The following RNF212 variants were observed in gnomAD, a reference collection of about 807,000 sequenced individuals.
The protein encoded by RNF212 is ring finger protein 212.
In RNF212, 33 loss-of-function variants were observed where a neutral mutation model predicts 34.7. The observed-to-expected ratio is 0.95, with a 90% CI of 0.72 to 1.27. The LOEUF (loss-of-function observed/expected upper bound fraction) is 1.27, where lower values mean the gene tolerates loss of function less well. Ranked by LOEUF, RNF212 falls within the 50% of genes most tolerant of loss-of-function variation. The pLI is 0.00. For synonymous variants in RNF212, 140 were observed against 136.1 expected (o/e 1.03, Z -0.20); for missense variants, 377 against 362.2 (o/e 1.04, Z -0.33).
downstream of RNF212, among the ~76,000 whole-genome samples, chr4:1,071,027 T>A (rs1008070770): frequency 6.6e-5 from 10 of 151,930 alleles, no homozygotes; most frequent in African/African-American, 9.7e-5. Context: ...TAAATTATTT[T>A]AAAAAACTAA....
At chr4:1,058,312 G>GTTAGAACGCTGTGAAGCAGGTGCTT (rs1296586766) in intron 4 of RNF212, 1 of 718,152 alleles carries the variant, frequency 1.4e-6, no homozygotes, top group African/African-American at 2.2e-5. Context: ...GCTTGCGGGG[G>GTTAGAACGCTGTGAAGCAGGTGCTT]GGCACTACCT....
intron 4 of RNF212, among the ~76,000 whole-genome samples, chr4:1,057,859 G>A (rs182064796): frequency 7.2e-5 from 11 of 152,356 alleles, no homozygotes; most frequent in African/African-American, 2.6e-4. Flanking sequence ...GAGGTCGGGA[G>A]TTCGAGACCA....
At chr4:1,104,788 C>G (rs1279962490) in intron 2 of RNF212, among the ~76,000 whole-genome samples, 1 of 152,158 alleles carries the variant, frequency 6.6e-6, no homozygotes, top group South Asian at 2.1e-4. Context: ...AATCTATGAG[C>G]TAGAAAGACA....
chr4:1,092,756 C>T (rs142214972), intron 3 of RNF212, among the ~76,000 whole-genome samples: 73 of 152,358 alleles, frequency 4.8e-4, no homozygotes, highest in African/African-American at 1.6e-3. Flanking sequence ...AAGAGCTGCC[C>T]GGTGCTCACG....
intron 8 of RNF212, among the ~76,000 whole-genome samples, chr4:1,076,841 A>G (rs75320593): frequency 0.016 from 2,496 of 152,346 alleles, 63 homozygotes; most frequent in African/African-American, 0.056. Flanking sequence ...GGTCATGCCT[A>G]TTAGCTTCCA....
chr4:1,070,436 G>A (rs1478197688), downstream of RNF212, among the ~76,000 whole-genome samples: 4 of 142,694 alleles, frequency 2.8e-5, no homozygotes, highest in African/African-American at 5.1e-5. Context: ...CAGCGTGGAC[G>A]CCTGGCCTGA....
chr4:1,062,922 T>A (rs1717843637), intron 3 of RNF212, among the ~76,000 whole-genome samples: 1 of 152,144 alleles, frequency 6.6e-6, no homozygotes, highest in South Asian at 2.1e-4. Context: ...AATGAAAACC[T>A]GAAAATAAAA....
At chr4:1,085,675 G>A (rs2153046215) in intron 5 of RNF212, 1 of 582,210 alleles carries the variant, frequency 1.7e-6, no homozygotes, top group East Asian at 2.9e-5. Flanking sequence ...TGCCCCAAGG[G>A]GAAACCATTC....
intron 4 of RNF212, among the ~76,000 whole-genome samples, chr4:1,089,821 C>T (rs971424255): frequency 7.2e-5 from 11 of 152,190 alleles, no homozygotes; most frequent in African/African-American, 2.2e-4. Context: ...TAATGTAAGA[C>T]GTGCCTTGCT....
intron 2 of RNF212, among the ~76,000 whole-genome samples, chr4:1,104,588 G>A (rs933953734): frequency 2.0e-5 from 3 of 152,148 alleles, no homozygotes; most frequent in Admixed American, 6.5e-5. Flanking sequence ...AGGAAGAAAG[G>A]GAGCAGGCGT....
At chr4:1,087,462 G>A in intron 4 of RNF212, among the ~76,000 whole-genome samples, 1 of 116,432 alleles carries the variant, frequency 8.6e-6, no homozygotes, top group East Asian at 2.7e-4. Flanking sequence ...GACAAGGTGG[G>A]TGGGGGTGAC....
chr4:1,097,877 C>T (rs922797398), intron 2 of RNF212, among the ~76,000 whole-genome samples: 14 of 152,100 alleles, frequency 9.2e-5, no homozygotes, highest in African/African-American at 3.4e-4. Flanking sequence ...CCAGGCTGGC[C>T]AACATGGTGA....
intron 2 of RNF212, among the ~76,000 whole-genome samples, chr4:1,098,744 A>G (rs1024620643): frequency 6.6e-5 from 10 of 152,176 alleles, no homozygotes; most frequent in African/African-American, 2.4e-4. Flanking sequence ...AAGCAGAAAC[A>G]GCACCCCCTC....
At chr4:1,085,791 T>C (rs1375398214) in intron 5 of RNF212, 105 bp downstream of exon 5, 1 of 814,420 alleles carries the variant, frequency 1.2e-6, no homozygotes, top group East Asian at 2.4e-5. Flanking sequence ...CTCTTCCCTC[T>C]GCATCTGCAG....
chr4:1,085,276 A>C (rs954847650), intron 5 of RNF212, among the ~76,000 whole-genome samples: 1 of 152,278 alleles, frequency 6.6e-6, no homozygotes, highest in Non-Finnish European at 1.5e-5. Context: ...GAATGCAGTA[A>C]AACTGTATTC....
intron 8 of RNF212, 46 bp downstream of exon 8, chr4:1,079,597 C>T: frequency 1.5e-6 from 2 of 1,324,886 alleles, no homozygotes; most frequent in Non-Finnish European, 2.2e-6. Flanking sequence ...TGGGAAATGC[C>T]ACACGTCTGG....
downstream of RNF212, among the ~76,000 whole-genome samples, chr4:1,066,715 T>C (rs1718122124): frequency 6.6e-6 from 1 of 152,254 alleles, no homozygotes; most frequent in Admixed American, 6.5e-5. Flanking sequence ...TAGATACATA[T>C]GATTTGCAAA....
chr4:1,063,028 G>A (rs1369624130), intron 3 of RNF212, among the ~76,000 whole-genome samples: 1 of 152,150 alleles, frequency 6.6e-6, no homozygotes, highest in Non-Finnish European at 1.5e-5. Flanking sequence ...ACTGAAAACT[G>A]CAAAATACCG....
intron 2 of RNF212, among the ~76,000 whole-genome samples, chr4:1,106,319 C>T (rs899411689): frequency 2.0e-5 from 3 of 151,866 alleles, no homozygotes; most frequent in Non-Finnish European, 4.4e-5. Flanking sequence ...AAAGAACACA[C>T]GCCTTTTTAA....
Sources: allele counts gnomAD v4.1 joint callset (sites outside exome capture counted in the v4.1 genomes callset), GRCh38; gene constraint gnomAD v4.1.1; transcripts MANE v1.5; gene names NCBI Gene and HGNC (gene_info 2026-07-23, HGNC 2026-07-21).